FBXO17: variants seen among roughly 807,000 people sequenced by gnomAD.
FBXO17 encodes the protein F-box only protein 17.
A neutral mutation model predicts 34.1 loss-of-function variants in FBXO17; 43 were observed. That is an observed-to-expected ratio of 1.26 (90% CI 0.99 to 1.62). The LOEUF (loss-of-function observed/expected upper bound fraction) is 1.62, where lower values mean the gene tolerates loss of function less well. Among genes scored for constraint, FBXO17 ranks in the 40% most tolerant of loss-of-function variants. The pLI, the probability that FBXO17 is intolerant of heterozygous loss-of-function variation, is 0.00. For synonymous variants in FBXO17, 169 were observed against 166.0 expected (o/e 1.02, Z -0.14); for missense variants, 424 against 386.7 (o/e 1.10, Z -0.81).
intron 1 of FBXO17, among the ~76,000 whole-genome samples, chr19:38,957,587 G>A (rs1026078562): frequency 1.3e-5 from 2 of 152,002 alleles, no homozygotes; most frequent in African/African-American, 2.4e-5. Flanking sequence ...CTTGTGATCC[G>A]CCCGCCTAGG....
Position 38,945,002 on chromosome 19 carries a change from C to T in FBXO17, c.660G>A (p.Pro220=), listed in dbSNP as rs1169182392. The change falls in exon 5 of 6, where the codon CCG becomes CCA. Residue 220 remains proline (P), a synonymous_variant. Coordinates refer to ENST00000292852, the MANE Select transcript of FBXO17 (RefSeq NM_024907.7). ...EVVKFSASPD[P]VLQWTERGCR... is the part of the protein sequence containing the mutation. ...AGCCCCTCTCAGTCCACTGAAGGAC[C>T]GGGTCAGGTGAGGCTGAGAACTTGA... 14 of 1,613,978 alleles carry T rather than the reference C, an allele frequency of 8.7e-6. No homozygotes were observed. In the East Asian group the frequency reaches 1.1e-4, roughly 13 times the overall value.
chr19:38,959,261 G>GTCTT (rs944748441), intron 1 of FBXO17, among the ~76,000 whole-genome samples: 84 of 128,682 alleles, frequency 6.5e-4, no homozygotes, highest in South Asian at 1.3e-3. Context: ...GCCTCTGCCT[G>GTCTT]TCTTTCTTTC....
chr19:38,960,958 C>T (rs1267016190), intron 1 of FBXO17, among the ~76,000 whole-genome samples: 1 of 151,896 alleles, frequency 6.6e-6, no homozygotes, highest in Non-Finnish European at 1.5e-5. Flanking sequence ...AGGTGCGCAC[C>T]ACCACGCCAG....
At chr19:38,957,456 C>CT (rs1975182287) in intron 1 of FBXO17, among the ~76,000 whole-genome samples, 1 of 152,086 alleles carries the variant, frequency 6.6e-6, no homozygotes, top group African/African-American at 2.4e-5. Context: ...AAGCGATTCT[C>CT]TGCCTCAGCC....
At chr19:38,948,526 C>A (rs752142963) in intron 3 of FBXO17, 41 bp downstream of exon 3, 2 of 1,537,566 alleles carry the variant, frequency 1.3e-6, no homozygotes, top group South Asian at 1.2e-5. Context: ...TCTTTGGGGC[C>A]TTTGCCCCAG....
intron 1 of FBXO17, among the ~76,000 whole-genome samples, chr19:38,972,880 C>T (rs1975407976): frequency 6.6e-6 from 1 of 152,012 alleles, no homozygotes; most frequent in East Asian, 2.0e-4. Context: ...CCGCCTCAGC[C>T]TCCTAAGTAG....
At chr19:38,959,910 TA>T (rs1278740603) in intron 1 of FBXO17, among the ~76,000 whole-genome samples, 2 of 151,218 alleles carry the variant, frequency 1.3e-5, no homozygotes, top group East Asian at 2.0e-4. Context: ...AACAAACAAA[TA>T]AAAAACACCA....
At chr19:38,962,774 T>C (rs1445164263) in intron 1 of FBXO17, among the ~76,000 whole-genome samples, 1 of 151,960 alleles carries the variant, frequency 6.6e-6, no homozygotes, top group Admixed American at 6.6e-5. Flanking sequence ...TGGAGTGCAG[T>C]GGCAAGATCT....
chr19:38,944,743 T>C (rs938161185), intron 5 of FBXO17: 7 of 593,794 alleles, frequency 1.2e-5, no homozygotes, highest in Admixed American at 9.9e-5. Context: ...CAGCACACAG[T>C]AGGTGCTCAA....
chr19:38,962,219 A>G (rs1432736634), intron 1 of FBXO17, among the ~76,000 whole-genome samples: 2 of 151,862 alleles, frequency 1.3e-5, no homozygotes, highest in South Asian at 2.1e-4. Context: ...AAAATAAATA[A>G]TAATTGGAGT....
At chr19:38,954,511 C>A (rs1488481514) in intron 1 of FBXO17, among the ~76,000 whole-genome samples, 1 of 150,470 alleles carries the variant, frequency 6.6e-6, no homozygotes, top group African/African-American at 2.5e-5. Context: ...CTCAGGTAAT[C>A]CACCTGCCTC....
rs1162515004 is a variant in FBXO17 at position 38,975,449 on chromosome 19, G to T, written c.-18+137C>A. 6.6e-6 allele frequency: 1 copy of T among 152,312 alleles called. No individual in the cohort carries two copies. The highest frequency in any genetic ancestry group is 1.5e-5 in the Non-Finnish European group (1 of 68,096). 9.4% of individuals were successfully genotyped at this position (152,312 alleles called of 1,614,324 possible). Reference sequence around the variant, plus strand: ...AGGGCCCGGGAAAGCGACGCTGCGGGTTATGGGACTCCCAGGGACCCGCCC... The same window carrying T: ...AGGGCCCGGGAAAGCGACGCTGCGGTTTATGGGACTCCCAGGGACCCGCCC... On this transcript the variant is annotated intron_variant, in intron 1 of 5. Transcript: ENST00000292852. The surrounding 1 kb of genome is among the most constrained non-coding windows in gnomAD (Gnocchi z 4.9).
chr19:38,970,217 T>A (rs556128954), intron 1 of FBXO17, among the ~76,000 whole-genome samples: 30 of 144,474 alleles, frequency 2.1e-4, no homozygotes, highest in Non-Finnish European at 2.7e-4. Context: ...AAAAAAAAAA[T>A]TTTTTTTTGA....
At chr19:38,967,916 C>G (rs1420213482) in intron 1 of FBXO17, among the ~76,000 whole-genome samples, 1 of 152,180 alleles carries the variant, frequency 6.6e-6, no homozygotes, top group Non-Finnish European at 1.5e-5. Context: ...ACCCACTACC[C>G]TGGCTATTAC....
intron 1 of FBXO17, among the ~76,000 whole-genome samples, chr19:38,961,918 C>T (rs1176641955): frequency 6.6e-6 from 1 of 152,122 alleles, no homozygotes; most frequent in Non-Finnish European, 1.5e-5. Flanking sequence ...CTGCGTCGGC[C>T]TCCCAAAGTG....
chr19:38,942,874 C>T, intron 5 of FBXO17, 123 bp from the exon 6 acceptor site: 1 of 1,237,290 alleles, frequency 8.1e-7, no homozygotes, highest in Non-Finnish European at 1.1e-6. Flanking sequence ...GGGGACGGAG[C>T]AGTGAATAAA....
chr19:38,948,137 A>G (rs1376666595), intron 3 of FBXO17, among the ~76,000 whole-genome samples: 2 of 151,186 alleles, frequency 1.3e-5, no homozygotes, highest in Non-Finnish European at 2.9e-5. Context: ...CTCCACGTCC[A>G]GCTAATTTTT....
chr19:38,946,485 A>G lies in FBXO17; in HGVS notation c.544T>C (p.Cys182Arg), dbSNP rs143694151. The change falls in exon 4 of 6, where the codon TGT becomes CGT. Residue 182 changes from cysteine (C) to arginine (R), a missense_variant. Coordinates refer to ENST00000292852, the MANE Select transcript of FBXO17 (RefSeq NM_024907.7). ...ELLDSAQIEICVADWWGAREN... is the reference protein window; with the variant it reads ...ELLDSAQIEIRVADWWGAREN... ...CTCCTCACTCACCAGTCAGCCACAC[A>G]GATCTCAATCTGGGCGCTGTCCAGC... 344 of 1,613,934 alleles carry G rather than the reference A, an allele frequency of 2.1e-4. No individual in the cohort carries two copies. The highest frequency in any genetic ancestry group is 2.7e-4 in the Non-Finnish European group (323 of 1,179,926).
intron 1 of FBXO17, among the ~76,000 whole-genome samples, chr19:38,956,616 C>T (rs1158124742): frequency 1.3e-5 from 2 of 152,138 alleles, no homozygotes; most frequent in African/African-American, 4.8e-5. Flanking sequence ...CACAGTGGCT[C>T]ATGCCTGTAA....
Sources: allele counts gnomAD v4.1 joint callset (sites outside exome capture counted in the v4.1 genomes callset), GRCh38; gene constraint gnomAD v4.1.1; non-coding constraint Gnocchi (gnomAD v3.1); transcripts MANE v1.5; gene names NCBI Gene and HGNC (gene_info 2026-07-23, HGNC 2026-07-21).